Variants in DDX39B observed in about 807,000 individuals in gnomAD.
The protein encoded by DDX39B is spliceosome RNA helicase DDX39B.
Under a neutral mutation model 46.4 loss-of-function variants are expected in DDX39B, and 6 were observed. The ratio of observed to expected loss-of-function variants is 0.13; its 90% CI spans 0.07 to 0.26. The LOEUF is 0.26. Among genes scored for constraint, DDX39B ranks in the 10% least tolerant of loss-of-function variants. DDX39B has a pLI of 1.00. For synonymous variants in DDX39B, 174 were observed against 199.4 expected (o/e 0.87, Z 1.07); for missense variants, 185 against 553.4 (o/e 0.33, Z 6.68).
rs1373597902 is a variant in DDX39B at position 31,530,763 on chromosome 6, T to C, written c.1270+16A>G. ...AACAGGGAGGACCTAAAGGGTTTCATGAGATCAGTACTCACTGTAGGAGGA... is the reference window on the plus strand; with the variant it reads ...AACAGGGAGGACCTAAAGGGTTTCACGAGATCAGTACTCACTGTAGGAGGA... On this transcript the variant is annotated intron_variant, in intron 10 of 10. Transcript: ENST00000396172. This position sits in a 1 kb window ranked among gnomAD's most constrained non-coding sequence, Gnocchi z 4.5. 3 of 1,609,128 alleles carry C rather than the reference T, an allele frequency of 1.9e-6. No homozygotes were observed. Among genetic ancestry groups the C allele is most frequent in the Non-Finnish European group, 2.5e-6 (3 of 1,178,820 alleles).
chr6:31,530,624 A>C lies in DDX39B; in HGVS notation c.1270+155T>G. On this transcript the variant is annotated intron_variant, in intron 10 of 10. Coordinates refer to ENST00000396172, the MANE Select transcript of DDX39B (RefSeq NM_004640.7). This position sits in a 1 kb window ranked among gnomAD's most constrained non-coding sequence, Gnocchi z 4.5. The stretch of plus-strand genomic sequence containing the variant: ...AGACAAGACACCCCACATAAAGGTC[A>C]GAAAAACATCCCAACACAGCATCAA... 1.5e-6 allele frequency: 2 copies of C among 1,323,784 alleles called. No homozygotes were observed. Among genetic ancestry groups the C allele is most frequent in the Non-Finnish European group, 2.1e-6 (2 of 954,812 alleles). The allele number at this position is 1,323,784 out of a possible 1,614,324, so 82.0% of individuals were successfully genotyped here.
At position 31,541,985 on chromosome 6, in the gene DDX39B, C is replaced by T; in HGVS notation, c.-168G>A. 1.5e-6 allele frequency: 1 copy of T among 676,270 alleles called. No homozygotes were observed. The allele number at this position is 676,270 out of a possible 1,614,324, so 41.9% of individuals were successfully genotyped here. ...AGAGCGCGTATGGCGGCAGCAACAGCGACGAAGGAGGGAAATCTGCCTTCA... is the reference window on the plus strand; with the variant it reads ...AGAGCGCGTATGGCGGCAGCAACAGTGACGAAGGAGGGAAATCTGCCTTCA... On this transcript the variant is annotated 5_prime_UTR_variant, in exon 1 of 11. Transcript: ENST00000396172.
chr6:31,540,303 T>A lies in DDX39B; in HGVS notation c.211+19A>T. On this transcript the variant is annotated intron_variant, in intron 2 of 10. Transcript: ENST00000396172. ...CTTAAAGAGCCCAATGAGCACTACA[T>A]GCCCAAGAGAAAATTTACCTTCTGA... The A allele has an allele frequency of 6.2e-7, 1 of 1,613,558 alleles. No individual in the cohort carries two copies. The highest frequency in any genetic ancestry group is 8.5e-7 in the Non-Finnish European group (1 of 1,179,496).
intron 6 of DDX39B, chr6:31,533,357 G>A: frequency 5.9e-6 from 1 of 169,716 alleles, no homozygotes; most frequent in Non-Finnish European, 1.3e-5. Context: ...TGGGGTGGGG[G>A]GAGGACAACT....
rs983399281 is a variant in DDX39B at position 31,531,250 on chromosome 6, CTT to C, written c.977+44_977+45del. ...GTTGAGATTCCCTTCTCTCAACTGT[CTT>C]TTTCTCCCAAGGACACAAAATATCT... On this transcript the variant is annotated intron_variant, in intron 8 of 10. Coordinates refer to ENST00000396172, the MANE Select transcript of DDX39B (RefSeq NM_004640.7). The surrounding 1 kb of genome is among the most constrained non-coding windows in gnomAD (Gnocchi z 5.8). The C allele has an allele frequency of 1.3e-5, 21 of 1,613,982 alleles. No homozygotes were observed. In the African/African-American group the frequency reaches 2.3e-4, roughly 17 times the overall value.
Position 31,531,259 on chromosome 6 carries a change from C to T in DDX39B, c.977+37G>A. The T allele has an allele frequency of 6.2e-7, 1 of 1,614,002 alleles. No homozygotes were observed. The stretch of plus-strand genomic sequence containing the variant: ...CCCTTCTCTCAACTGTCTTTTTCTC[C>T]CAAGGACACAAAATATCTTTCCCAT... On this transcript the variant is annotated intron_variant, in intron 8 of 10. Coordinates refer to ENST00000396172, the MANE Select transcript of DDX39B (RefSeq NM_004640.7). This position sits in a 1 kb window ranked among gnomAD's most constrained non-coding sequence, Gnocchi z 5.8.
intron 4 of DDX39B, among the ~76,000 whole-genome samples, chr6:31,538,156 A>AT (rs1386331827): frequency 6.6e-6 from 1 of 151,928 alleles, no homozygotes; most frequent in Admixed American, 6.6e-5. Flanking sequence ...CTTCAATCAG[A>AT]TTTTTTCTTT....
At position 31,532,919 on chromosome 6, in the gene DDX39B, G is replaced by A. The variant is rs1376685459; in HGVS notation, c.736-8C>T. 2.2e-6 allele frequency: 3 copies of A among 1,346,154 alleles called. No homozygotes were observed. Among genetic ancestry groups the A allele is most frequent in the Admixed American group, 1.9e-5 (1 of 52,774 alleles). 83.4% of individuals were successfully genotyped at this position (1,346,154 alleles called of 1,614,324 possible). On this transcript the variant is annotated splice_polypyrimidine_tract_variant and splice_region_variant and intron_variant, in intron 6 of 10. Transcript: ENST00000396172. The stretch of plus-strand genomic sequence containing the variant: ...CACGAAGATCTCCATTGGCTGGGGG[G>A]GAGGAAGGGGGTGGGGAACGGGAGG...
At chr6:31,539,315 C>A (rs1768138761) in intron 2 of DDX39B, 41 bp from the exon 3 acceptor site, 2 of 1,595,694 alleles carry the variant, frequency 1.3e-6, no homozygotes, top group African/African-American at 1.3e-5. Flanking sequence ...AGACTTCAGT[C>A]TCCAGATAAC....
At chr6:31,537,873 TA>T (rs557348832) in intron 4 of DDX39B, among the ~76,000 whole-genome samples, 2 of 149,844 alleles carry the variant, frequency 1.3e-5, no homozygotes, top group Non-Finnish European at 3.0e-5. Flanking sequence ...CTGTCACTAC[TA>T]AAAAAAAACA....
rs1330201559 is a variant in DDX39B at position 31,531,004 on chromosome 6, G to C, written c.1122+49C>G. 7 of 1,613,446 alleles carry C rather than the reference G, an allele frequency of 4.3e-6. No individual in the cohort carries two copies. Among genetic ancestry groups the C allele is most frequent in the Non-Finnish European group, 5.9e-6 (7 of 1,179,422 alleles). ...AGGCAGGAATGAAGATGTACAAACA[G>C]AAAACAAGGGAATGGGAGAGTGGGA... On this transcript the variant is annotated intron_variant, in intron 9 of 10. Coordinates refer to ENST00000396172, the MANE Select transcript of DDX39B (RefSeq NM_004640.7). This position sits in a 1 kb window ranked among gnomAD's most constrained non-coding sequence, Gnocchi z 5.8.
intron 4 of DDX39B, among the ~76,000 whole-genome samples, chr6:31,538,163 CT>C (rs997437409): frequency 2.0e-5 from 3 of 151,290 alleles, no homozygotes; most frequent in African/African-American, 4.9e-5. Context: ...CAGATTTTTT[CT>C]TTTTTTTTGA....
Position 31,536,519 on chromosome 6 carries a change from A to G in DDX39B, c.597T>C (p.Asp199=). Residue 199 remains aspartate, a synonymous_variant, in exon 5 of 11, where the codon GAT becomes GAC. Transcript: ENST00000396172. ...ACTCACCGAGCTGTTCAAGCATCTTATCACATTCATCCAAAATAAAGTGTT... is the reference window on the plus strand; with the variant it reads ...ACTCACCGAGCTGTTCAAGCATCTTGTCACATTCATCCAAAATAAAGTGTT... The part of the protein sequence containing the change: ...HIKHFILDEC[D]KMLEQLDMRR... The G allele has an allele frequency of 6.2e-7, 1 of 1,613,300 alleles. No homozygotes were observed. Among genetic ancestry groups the G allele is most frequent in the Non-Finnish European group, 8.5e-7 (1 of 1,180,042 alleles).
Position 31,535,573 on chromosome 6 carries a change from T to C in DDX39B, c.617-88A>G, listed in dbSNP as rs527940195. 4.1e-6 allele frequency: 4 copies of C among 982,202 alleles called. No homozygotes were observed. The highest frequency in any genetic ancestry group is 3.2e-5 in the African/African-American group (2 of 62,180). The allele number at this position is 982,202 out of a possible 1,614,324, so 60.8% of individuals were successfully genotyped here. A position where few individuals can be genotyped will look rare whatever the true frequency, so the allele number is the denominator to read the frequency against. ...GGTAGACTTCCCAGTGAGGTGAAGA[T>C]TGCTGGAAATAGTAACAACACAATG... On this transcript the variant is annotated intron_variant, in intron 5 of 10. Transcript: ENST00000396172. This position sits in a 1 kb window ranked among gnomAD's most constrained non-coding sequence, Gnocchi z 4.6.
chr6:31,533,123 A>C (rs1767377271), intron 6 of DDX39B: 1 of 472,858 alleles, frequency 2.1e-6, no homozygotes, highest in African/African-American at 2.0e-5. Context: ...GATGAGTTTT[A>C]AGACTGCCCA....
Position 31,536,656 on chromosome 6 carries a change from T to C in DDX39B, c.460A>G (p.Ile154Val). 1 of 1,612,598 alleles carries C rather than the reference T, an allele frequency of 6.2e-7. No homozygotes were observed. Among genetic ancestry groups the C allele is most frequent in the Non-Finnish European group, 8.5e-7 (1 of 1,179,910 alleles). Residue 154 changes from isoleucine (I) to valine (V), a missense_variant, in exon 5 of 11, where the codon ATC becomes GTC. By Grantham distance (29) the Ile-to-Val change is conservative (BLOSUM62 3). Around this residue, in one of 5 missense-constraint regions of DDX39B, gnomAD observed 110 missense variants for 282.2 expected, o/e 0.39. Transcript: ENST00000396172. ...TTCAGCACCTCTTCATCCTTCTTGATAGACAGACCACCAAAAAAAACAGCA... is the reference window on the plus strand; with the variant it reads ...TTCAGCACCTCTTCATCCTTCTTGACAGACAGACCACCAAAAAAAACAGCA... ...KVAVFFGGLS[I>V]KKDEEVLKKN... is the part of the protein sequence containing the mutation.
In DDX39B at chr6:31,534,404, G is replaced by A. The variant is rs1384603722; in HGVS notation, c.735+963C>T. On this transcript the variant is annotated intron_variant, in intron 6 of 10. Coordinates refer to ENST00000396172, the MANE Select transcript of DDX39B (RefSeq NM_004640.7). The surrounding 1 kb of genome is among the most constrained non-coding windows in gnomAD (Gnocchi z 5.1). ...CCACGGGAAGGAACACTGCAGGGAG[G>A]GGAAGAACACACTCCACTGCTTATG... 1.5e-5 allele frequency: 7 copies of A among 456,762 alleles called. No homozygotes were observed. The highest frequency in any genetic ancestry group is 2.6e-5 in the Admixed American group (1 of 38,128). The allele number at this position is 456,762 out of a possible 1,614,324, so 28.3% of individuals were successfully genotyped here. A position where few individuals can be genotyped will look rare whatever the true frequency, so the allele number is the denominator to read the frequency against.
In DDX39B at chr6:31,534,696, C is replaced by A. The variant is rs916564824; in HGVS notation, c.735+671G>T. 1 of 355,152 alleles carries A rather than the reference C, an allele frequency of 2.8e-6. No homozygotes were observed. Among genetic ancestry groups the A allele is most frequent in the Non-Finnish European group, 5.5e-6 (1 of 181,470 alleles). The allele number at this position is 355,152 out of a possible 1,614,324, so 22.0% of individuals were successfully genotyped here. The stretch of plus-strand genomic sequence containing the variant: ...TGGTCAGGTTTCCCCGCGGCCTCCG[C>A]TGCCGCCATCCACCGCTGGGTGCCG... On this transcript the variant is annotated intron_variant, in intron 6 of 10. Transcript: ENST00000396172. This position sits in a 1 kb window ranked among gnomAD's most constrained non-coding sequence, Gnocchi z 5.1.
intron 4 of DDX39B, among the ~76,000 whole-genome samples, chr6:31,537,122 A>T (rs559932588): frequency 6.6e-6 from 1 of 152,102 alleles, no homozygotes; most frequent in Non-Finnish European, 1.5e-5. Flanking sequence ...AAAAAGAAAT[A>T]AAATAAATAA....
Sources: allele counts gnomAD v4.1 joint callset (sites outside exome capture counted in the v4.1 genomes callset), GRCh38; gene constraint gnomAD v4.1.1; regional missense constraint gnomAD v4.1.1; non-coding constraint Gnocchi (gnomAD v3.1); transcripts MANE v1.5; gene names NCBI Gene and HGNC (gene_info 2026-07-23, HGNC 2026-07-21).